NMT1: variants seen among roughly 807,000 people sequenced by gnomAD.
NMT1 encodes N-myristoyltransferase 1.
In NMT1, 12 loss-of-function variants were observed where a neutral mutation model predicts 63.4. The observed-to-expected ratio is 0.19, with a 90% CI of 0.12 to 0.31. The LOEUF (loss-of-function observed/expected upper bound fraction) is 0.31. Ranked by LOEUF, NMT1 falls within the 10% of genes least tolerant of loss-of-function variation. The pLI is 1.00. For missense variants in NMT1, 432 were observed against 634.6 expected (o/e 0.68, Z 3.43); for synonymous variants, 228 against 234.3 (o/e 0.97, Z 0.25).
In NMT1 at chr17:45,097,209, T is replaced by G. The variant is rs1303544092; in HGVS notation, c.678T>G (p.Ile226Met). The G allele has an allele frequency of 1.2e-6, 2 of 1,614,008 alleles. No homozygotes were observed. Among genetic ancestry groups the G allele is most frequent in the African/African-American group, 2.7e-5 (2 of 74,910 alleles). ...VVSSRKLVGF[I>M]SAIPANIHIY... ...CAAGTCGGAAATTGGTTGGGTTCAT[T>G]AGCGCCATCCCAGCAAACATCCATA... is the stretch of plus-strand genomic sequence containing the variant. Residue 226 changes from isoleucine to methionine, a missense_variant, in exon 6 of 12, where the codon ATT becomes ATG. Ile to Met is a conservative substitution (Grantham distance 10, BLOSUM62 1). This residue lies in a region of NMT1 where 295 missense variants were observed against 489.7 expected (regional missense o/e 0.60). Transcript: ENST00000258960.
At chr17:45,088,746 T>C (rs1703063051) in intron 3 of NMT1, among the ~76,000 whole-genome samples, 1 of 147,366 alleles carries the variant, frequency 6.8e-6, no homozygotes, top group East Asian at 2.0e-4. Context: ...AGAGCAAGAA[T>C]GCATCTCAAA....
rs1422695728 is a variant in NMT1 at position 45,081,592 on chromosome 17, C to T, written c.132-52C>T. On this transcript the variant is annotated intron_variant, in intron 1 of 11. Coordinates refer to ENST00000258960, the MANE Select transcript of NMT1 (RefSeq NM_021079.5). ...ACAGAAAGCTCTTTGTCAGGGGTAG[C>T]ACAAAACAGATTTTTTTTAAACCCT... 1.1e-5 allele frequency: 17 copies of T among 1,507,414 alleles called. No homozygotes were observed. The East Asian group carries it at 3.8e-4, about 34-fold the overall frequency. The allele number at this position is 1,507,414 out of a possible 1,614,324, so 93.4% of individuals were successfully genotyped here.
At chr17:45,072,779 TC>T (rs1296923941) in intron 1 of NMT1, among the ~76,000 whole-genome samples, 1 of 141,820 alleles carries the variant, frequency 7.1e-6, no homozygotes, top group Non-Finnish European at 1.5e-5. Context: ...CAGGATGGTC[TC>T]GATCTCCTGA....
At chr17:45,072,284 T>C (rs531510827) in intron 1 of NMT1, among the ~76,000 whole-genome samples, 1 of 151,990 alleles carries the variant, frequency 6.6e-6, no homozygotes, top group Middle Eastern at 3.4e-3. Context: ...ATTTTTTTAT[T>C]TGAGATGGAG....
At chr17:45,077,067 G>C (rs1003667292) in intron 1 of NMT1, among the ~76,000 whole-genome samples, 1 of 152,092 alleles carries the variant, frequency 6.6e-6, no homozygotes, top group East Asian at 1.9e-4. Flanking sequence ...TTTTTACAGT[G>C]ATTTTGCATA....
intron 2 of NMT1, among the ~76,000 whole-genome samples, chr17:45,082,952 G>A (rs1163969433): frequency 6.6e-6 from 1 of 152,132 alleles, no homozygotes; most frequent in Non-Finnish European, 1.5e-5. Flanking sequence ...AGGAGGCAGA[G>A]GTTGAAGTGA....
chr17:45,088,245 G>T (rs2054066999), intron 3 of NMT1, among the ~76,000 whole-genome samples: 1 of 152,252 alleles, frequency 6.6e-6, no homozygotes, highest in Non-Finnish European at 1.5e-5. Flanking sequence ...TAGGGTCCCA[G>T]TGACCAGTTT....
At chr17:45,074,231 T>TTC (rs1555604983) in intron 1 of NMT1, among the ~76,000 whole-genome samples, 83 of 151,228 alleles carry the variant, frequency 5.5e-4, no homozygotes, top group African/African-American at 1.7e-3. Flanking sequence ...TTTTTTTTTT[T>TTC]TGAGACAGAG....
intron 3 of NMT1, among the ~76,000 whole-genome samples, chr17:45,091,511 A>T (rs1206331183): frequency 1.3e-5 from 2 of 152,188 alleles, no homozygotes; most frequent in African/African-American, 4.8e-5. Flanking sequence ...GAAGACCATC[A>T]GTATTCTTGG....
Position 45,061,401 on chromosome 17 carries a change from G to T in NMT1, c.72G>T (p.Gly24=). The change falls in exon 1 of 12, where the codon GGG becomes GGT. Residue 24 remains glycine, a synonymous_variant. Coordinates refer to ENST00000258960, the MANE Select transcript of NMT1 (RefSeq NM_021079.5). ...PPLPQMMEGN[G]NGHEHCSDCE... is the part of the protein sequence containing the mutation. ...TGCCGCAGATGATGGAAGGGAACGG[G>T]AACGGCCATGAGCACTGCAGCGATT... 1 of 1,614,062 alleles carries T rather than the reference G, an allele frequency of 6.2e-7. No individual in the cohort carries two copies.
rs1379717035 is a variant in NMT1, at chr17:45,099,441, T to C, written c.921T>C (p.Ile307=). Residue 307 remains isoleucine (I), a synonymous_variant, in exon 8 of 12, where the codon ATT becomes ATC. Transcript: ENST00000258960. ...WHRSLNPRKL[I]EVKFSHLSRN... ...GGTCCCTAAACCCACGGAAGCTGATTGAAGTGAAGTTCTCCCACCTGAGCA... is the reference window on the plus strand; with the variant it reads ...GGTCCCTAAACCCACGGAAGCTGATCGAAGTGAAGTTCTCCCACCTGAGCA... 4 of 1,614,012 alleles carry C rather than the reference T, an allele frequency of 2.5e-6. No individual in the cohort carries two copies. Among genetic ancestry groups the C allele is most frequent in the Non-Finnish European group, 3.4e-6 (4 of 1,179,962 alleles).
intron 4 of NMT1, 33 bp downstream of exon 4, chr17:45,093,836 G>A (rs752251775): frequency 6.5e-7 from 1 of 1,547,040 alleles, no homozygotes; most frequent in Non-Finnish European, 8.9e-7. Flanking sequence ...ACACCTGCGG[G>A]TAGGAGCCAC....
Position 45,103,659 on chromosome 17 carries a change from C to A in NMT1, c.1165-50C>A. ...AGAGAAACATTTTGTTCCCGGGCCG[C>A]AGTGCCACTGTGCATGCTTGACATT... On this transcript the variant is annotated intron_variant, in intron 9 of 11. Transcript: ENST00000258960. The surrounding 1 kb of genome is among the most constrained non-coding windows in gnomAD (Gnocchi z 4.8). The A allele has an allele frequency of 6.5e-7, 1 of 1,549,318 alleles. No individual in the cohort carries two copies. The highest frequency in any genetic ancestry group is 8.8e-7 in the Non-Finnish European group (1 of 1,142,628).
chr17:45,099,480 G>T lies in NMT1; in HGVS notation c.960G>T (p.Met320Ile), dbSNP rs1244829195. 6.2e-7 allele frequency: 1 copy of T among 1,614,016 alleles called. No homozygotes were observed. The highest frequency in any genetic ancestry group is 2.2e-5 in the East Asian group (1 of 44,896). The change falls in exon 8 of 12, where the codon ATG (methionine) becomes ATT (isoleucine). Residue 320 changes from methionine to isoleucine, a missense_variant. By Grantham distance (10) the Met-to-Ile change is conservative (BLOSUM62 1). Coordinates refer to ENST00000258960, the MANE Select transcript of NMT1 (RefSeq NM_021079.5). ...CCCACCTGAGCAGAAATATGACCATGCAGCGCACCATGAAGCTCTACCGAC... is the reference window on the plus strand; with the variant it reads ...CCCACCTGAGCAGAAATATGACCATTCAGCGCACCATGAAGCTCTACCGAC... ...KFSHLSRNMT[M>I]QRTMKLYRLP...
intron 2 of NMT1, among the ~76,000 whole-genome samples, chr17:45,085,130 A>G (rs2054043852): frequency 1.3e-5 from 2 of 152,216 alleles, no homozygotes; most frequent in Admixed American, 6.5e-5. Flanking sequence ...GCACACGCCT[A>G]TAGTTCCAGC....
chr17:45,105,010 A>T lies in NMT1; in HGVS notation c.1470+14A>T. 6.2e-7 allele frequency: 1 copy of T among 1,614,066 alleles called. No homozygotes were observed. On this transcript the variant is annotated intron_variant, in intron 11 of 11. Transcript: ENST00000258960. The surrounding 1 kb of genome is among the most constrained non-coding windows in gnomAD (Gnocchi z 4.2). ...GGGGCAGAGAAGGTAGGCGACACATAGCCAGAGTCCAGGCTGCCCGGCCCA... is the reference window on the plus strand; with the variant it reads ...GGGGCAGAGAAGGTAGGCGACACATTGCCAGAGTCCAGGCTGCCCGGCCCA...
intron 6 of NMT1, 82 bp from the exon 7 acceptor site, chr17:45,098,300 A>G (rs1385423229): frequency 3.0e-6 from 4 of 1,335,090 alleles, no homozygotes; most frequent in Non-Finnish European, 4.2e-6. Context: ...TGGTCCTTCT[A>G]GGTGTGGCTG....
In NMT1 at chr17:45,083,189, C is replaced by T. The variant is rs534052853; in HGVS notation, c.240+1437C>T. 6.6e-5 allele frequency among the ~76,000 whole-genome samples: 10 copies of T among 150,628 alleles called. No individual in the cohort carries two copies. The South Asian group carries it at 1.5e-3, about 22-fold the overall frequency. On this transcript the variant is annotated intron_variant, in intron 2 of 11. Coordinates refer to ENST00000258960, the MANE Select transcript of NMT1 (RefSeq NM_021079.5). ...AAAAAATTAGCCAGGCGTGGTGGCA[C>T]GCACCTGTAATCTCAGCTACTCAGG...
Position 45,097,257 on chromosome 17 carries a change from A to G in NMT1, c.713+13A>G. 1 of 1,561,590 alleles carries G rather than the reference A, an allele frequency of 6.4e-7. No individual in the cohort carries two copies. Among genetic ancestry groups the G allele is most frequent in the Non-Finnish European group, 8.8e-7 (1 of 1,132,300 alleles). On this transcript the variant is annotated intron_variant, in intron 6 of 11. Coordinates refer to ENST00000258960, the MANE Select transcript of NMT1 (RefSeq NM_021079.5). The stretch of plus-strand genomic sequence containing the variant: ...ATATCTATGACACGTAAGCACCTGC[A>G]CCTACCCCCACCCCCCACAACACCG...
Sources: allele counts gnomAD v4.1 joint callset (sites outside exome capture counted in the v4.1 genomes callset), GRCh38; gene constraint gnomAD v4.1.1; regional missense constraint gnomAD v4.1.1; non-coding constraint Gnocchi (gnomAD v3.1); transcripts MANE v1.5; gene names NCBI Gene and HGNC (gene_info 2026-07-23, HGNC 2026-07-21).